SYTL5: variants seen among roughly 807,000 people sequenced by gnomAD.
SYTL5 encodes the protein synaptotagmin-like protein 5.
SYTL5 carries 34 observed loss-of-function variants against 55.9 expected under a neutral mutation model. The ratio of observed to expected loss-of-function variants is 0.61; its 90% confidence interval spans 0.46 to 0.81. The LOEUF (loss-of-function observed/expected upper bound fraction) is 0.81, where lower values mean the gene tolerates loss of function less well. Ranked by LOEUF, SYTL5 falls within the 30% of genes least tolerant of loss-of-function variation. The probability of loss-of-function intolerance (pLI) is 0.00; values close to 1 mark genes in which losing one functional copy is unlikely to be tolerated. For synonymous variants in SYTL5, 221 were observed against 188.7 expected (o/e 1.17, Z -1.40); for missense variants, 637 against 546.7 (o/e 1.17, Z -1.65).
chrX:37,902,674 TAAAAC>T, the SYTL5 span, among the ~76,000 whole-genome samples: 1 of 110,735 alleles, frequency 9.0e-6, no homozygotes. Context: ...TCCGCCAAAA[TAAAAC>T]AAAACAAAAC....
chrX:38,025,807 G>A (rs1180552635), intron 1 of SYTL5, among the ~76,000 whole-genome samples: 1 of 112,227 alleles, frequency 8.9e-6, no homozygotes, highest in Non-Finnish European at 1.9e-5. Context: ...TCGCTGAAAA[G>A]AGACACACAG....
the SYTL5 span, among the ~76,000 whole-genome samples, chrX:37,963,031 A>G: frequency 1.8e-4 from 20 of 111,651 alleles, no homozygotes; most frequent in Non-Finnish European, 3.4e-4. Flanking sequence ...TTAACATGAC[A>G]TGTCTTTCCA....
chrX:37,929,124 C>A, the SYTL5 span, among the ~76,000 whole-genome samples: 2 of 112,363 alleles, frequency 1.8e-5, no homozygotes, highest in African/African-American at 6.5e-5. Flanking sequence ...TCTTACAATG[C>A]ATAAAAATGT....
the SYTL5 span, among the ~76,000 whole-genome samples, chrX:37,955,267 A>T: frequency 1.8e-5 from 2 of 112,229 alleles, no homozygotes; most frequent in South Asian, 3.7e-4. Flanking sequence ...AGCATGGATT[A>T]TTTAAAAACT....
the SYTL5 span, among the ~76,000 whole-genome samples, chrX:37,903,300 C>A: frequency 2.8e-5 from 3 of 106,356 alleles, no homozygotes; most frequent in African/African-American, 1.0e-4. Flanking sequence ...GGAACCAACC[C>A]AAATGTCCAA....
At position 38,094,429 on chromosome X, in the gene SYTL5, G is replaced by A. The variant is rs750345433; in HGVS notation, c.961+5G>A. 2.5e-6 allele frequency: 3 copies of A among 1,188,407 alleles called. No homozygotes were observed. Among genetic ancestry groups the A allele is most frequent in the African/African-American group, 3.5e-5 (2 of 56,788 alleles). The stretch of plus-strand genomic sequence containing the variant: ...CTGGAACCTCTCTCTCCTCAGGTGG[G>A]TATTTACAATGTGCCTACTTTGTTG... On this transcript the variant is annotated splice_donor_5th_base_variant and intron_variant, in intron 8 of 16. Coordinates refer to ENST00000297875, the MANE Select transcript of SYTL5 (RefSeq NM_138780.3).
the SYTL5 span, among the ~76,000 whole-genome samples, chrX:37,992,968 G>C: frequency 4.5e-5 from 5 of 110,439 alleles, no homozygotes; most frequent in Non-Finnish European, 7.6e-5. Flanking sequence ...TGAGTCAAGT[G>C]TAAATAGAAA....
intron 2 of SYTL5, among the ~76,000 whole-genome samples, chrX:38,038,696 G>A: frequency 8.9e-6 from 1 of 111,809 alleles, no homozygotes; most frequent in African/African-American, 3.3e-5. Context: ...ACTATGTTTT[G>A]GCTGTTTACC....
chrX:37,901,890 T>C, the SYTL5 span, among the ~76,000 whole-genome samples: 3 of 111,572 alleles, frequency 2.7e-5, no homozygotes, highest in Non-Finnish European at 5.6e-5. Context: ...TAGCAAATAA[T>C]TGGAATTTTA....
the SYTL5 span, among the ~76,000 whole-genome samples, chrX:37,941,973 TCAGGGTTAA>T: frequency 3.6e-5 from 4 of 112,234 alleles, no homozygotes; most frequent in Admixed American, 2.8e-4. Context: ...TTTCTTGCTG[TCAGGGTTAA>T]CCGTTTTGGT....
chrX:37,954,339 C>A, the SYTL5 span, among the ~76,000 whole-genome samples: 1 of 111,665 alleles, frequency 9.0e-6, no homozygotes, highest in South Asian at 3.8e-4. Context: ...TGTCTTCTCA[C>A]CCAGTCTGTA....
chrX:37,890,240 C>A, the SYTL5 span, among the ~76,000 whole-genome samples: 1 of 110,936 alleles, frequency 9.0e-6, no homozygotes, highest in Admixed American at 9.6e-5. Context: ...CCATGACCTA[C>A]CAGGAGACAA....
At chrX:37,975,363 G>A in the SYTL5 span, among the ~76,000 whole-genome samples, 1 of 112,266 alleles carries the variant, frequency 8.9e-6, no homozygotes, top group South Asian at 3.7e-4. Context: ...ACAGTAGGGT[G>A]AAGTCAGCAT....
At chrX:38,048,440 G>A (rs1325990038) in intron 2 of SYTL5, among the ~76,000 whole-genome samples, 1 of 107,551 alleles carries the variant, frequency 9.3e-6, no homozygotes, top group Non-Finnish European at 1.9e-5. Context: ...TATCTTTTCA[G>A]CAGTGTCCTA....
At chrX:38,062,115 G>A (rs889553935) in intron 3 of SYTL5, among the ~76,000 whole-genome samples, 2 of 110,642 alleles carry the variant, frequency 1.8e-5, no homozygotes, top group African/African-American at 3.3e-5. Context: ...CTACAGGCAT[G>A]TGCCACCACA....
At position 38,128,806 on chromosome X, in the gene SYTL5, A is replaced by T. The variant is rs973919642; in HGVS notation, c.*2076A>T. On this transcript the variant is annotated 3_prime_UTR_variant, in exon 17 of 17. Transcript: ENST00000297875. The stretch of plus-strand genomic sequence containing the variant: ...CATAGGAAAAATAAAATGTCTTCAG[A>T]CTTGATGTGACTCATTCTGTCTTCA... The T allele has an allele frequency of 3.6e-5, 4 of 111,846 alleles. No homozygotes were observed. The highest frequency in any genetic ancestry group is 1.3e-4 in the African/African-American group (4 of 30,793). The allele number at this position is 111,846 out of a possible 1,213,427, so 9.2% of individuals were successfully genotyped here.
upstream of SYTL5, among the ~76,000 whole-genome samples, chrX:38,003,838 C>T (rs1299857815): frequency 1.8e-5 from 2 of 111,921 alleles, no homozygotes; most frequent in Admixed American, 9.4e-5. Context: ...TCTCCAAATC[C>T]TCACCAGCAT....
the SYTL5 span, among the ~76,000 whole-genome samples, chrX:37,911,263 T>C: frequency 4.5e-5 from 5 of 111,374 alleles, no homozygotes; most frequent in Non-Finnish European, 7.5e-5. Flanking sequence ...TGAGCTACTG[T>C]GCCCGGCCAG....
At chrX:37,997,041 T>G in the SYTL5 span, among the ~76,000 whole-genome samples, 7 of 112,666 alleles carry the variant, frequency 6.2e-5, no homozygotes, top group East Asian at 1.9e-3. Flanking sequence ...AATTTCTGGG[T>G]TTCCTTAGAA....
Sources: gnomAD v4.1 joint callset for allele counts (sites outside exome capture counted in the v4.1 genomes callset) on GRCh38, gnomAD v4.1.1 for gene constraint, MANE v1.5 for transcripts, NCBI Gene and HGNC (gene_info 2026-07-23, HGNC 2026-07-21) for gene names.